The following HOATZ variants were observed in gnomAD, a reference collection of about 807,000 sequenced individuals.
The protein encoded by HOATZ is HOATZ cilia and flagella associated protein, also known as cilia- and flagella-associated protein HOATZ.
HOATZ carries 26 observed loss-of-function variants against 24.9 expected under a neutral mutation model. The ratio of observed to expected loss-of-function variants is 1.04; its 90% CI spans 0.76 to 1.45. The LOEUF (loss-of-function observed/expected upper bound fraction) is 1.45, where lower values mean the gene tolerates loss of function less well. Among genes scored for constraint, HOATZ ranks in the 40% most tolerant of loss-of-function variants. The probability of loss-of-function intolerance (pLI) is 0.00; values close to 1 mark genes in which losing one functional copy is unlikely to be tolerated. For missense variants in HOATZ, 226 were observed against 201.5 expected (o/e 1.12, Z -0.74); for synonymous variants, 83 against 76.6 (o/e 1.08, Z -0.43).
chr11:111,533,720 AC>A (rs762563127), intron 3 of HOATZ, 25 bp from the exon 4 acceptor site: 1 of 1,547,420 alleles, frequency 6.5e-7, no homozygotes, highest in Non-Finnish European at 8.8e-7. Context: ...GAATCGAGAC[AC>A]CCACTTTTTT....
chr11:111,532,278 G>A (rs1048652935), intron 3 of HOATZ, among the ~76,000 whole-genome samples: 3 of 152,058 alleles, frequency 2.0e-5, no homozygotes, highest in Admixed American at 6.5e-5. Context: ...CATCATAGGC[G>A]CTTATTATGG....
At chr11:111,515,188 C>A in intron 1 of HOATZ, 178 bp downstream of exon 1, 1 of 612,184 alleles carries the variant, frequency 1.6e-6, no homozygotes, top group Non-Finnish European at 2.9e-6. Flanking sequence ...CGAAAAGGAT[C>A]AGTGGTATAT....
chr11:111,535,153 G>A (rs569827182), intron 5 of HOATZ: 2 of 152,142 alleles, frequency 1.3e-5, no homozygotes, highest in African/African-American at 4.8e-5. Context: ...TCTCTCATTG[G>A]TATTGAGGCT....
intron 3 of HOATZ, among the ~76,000 whole-genome samples, chr11:111,517,203 T>G (rs1392185396): frequency 6.6e-6 from 1 of 152,210 alleles, no homozygotes; most frequent in Non-Finnish European, 1.5e-5. Context: ...ATAGCCAGCA[T>G]TTTATTCTCT....
chr11:111,524,137 G>A (rs1867304971), intron 3 of HOATZ, among the ~76,000 whole-genome samples: 2 of 152,320 alleles, frequency 1.3e-5, no homozygotes, highest in South Asian at 4.1e-4. Flanking sequence ...AGTTCCTTGA[G>A]CTAGATGTCA....
chr11:111,536,848 GGAT>G lies in HOATZ; in HGVS notation c.*23_*25del, dbSNP rs752534516. Reference sequence around the variant, plus strand: ...ACTAATTTGCTTGACACATGGCAGAGGATGGCTCACTTATACCTTCACTTTGGA... The same window carrying G: ...ACTAATTTGCTTGACACATGGCAGAGGGCTCACTTATACCTTCACTTTGGA... On this transcript the variant is annotated 3_prime_UTR_variant, in exon 6 of 6. Transcript: ENST00000375618. The G allele has an allele frequency of 1.1e-5, 18 of 1,606,366 alleles. No homozygotes were observed. The Admixed American group carries it at 1.8e-4, about 16-fold the overall frequency.
intron 3 of HOATZ, chr11:111,524,799 T>C: frequency 2.5e-6 from 1 of 404,108 alleles, no homozygotes; most frequent in South Asian, 1.9e-5. Flanking sequence ...TTACAAACAG[T>C]TGATTTTATT....
In HOATZ at chr11:111,514,927, C is replaced by A; in HGVS notation, c.143C>A (p.Pro48His). 1 of 1,614,036 alleles carries A rather than the reference C, an allele frequency of 6.2e-7. No homozygotes were observed. The highest frequency in any genetic ancestry group is 8.5e-7 in the Non-Finnish European group (1 of 1,180,018). ...KQFWISASMY[P>H]PSESQLVLRR... ...TTCTGGATCTCGGCGTCGATGTATCCCCCTAGCGAATCTCAGCTGGTGCTG... is the reference window on the plus strand; with the variant it reads ...TTCTGGATCTCGGCGTCGATGTATCACCCTAGCGAATCTCAGCTGGTGCTG... The change falls in exon 1 of 6, where the codon CCC becomes CAC. Residue 48 changes from proline (P) to histidine (H), a missense_variant. Transcript: ENST00000375618.
chr11:111,535,200 G>A (rs374880852), intron 5 of HOATZ: 2 of 152,024 alleles, frequency 1.3e-5, no homozygotes, highest in African/African-American at 4.8e-5. Flanking sequence ...CACCCTTAAG[G>A]AAGAAAGAAT....
Position 111,534,458 on chromosome 11 carries a change from A to C in HOATZ, c.446A>C (p.Lys149Thr). Residue 149 changes from lysine to threonine, a missense_variant, in exon 5 of 6, where the codon AAA (lysine) becomes ACA (threonine). By Grantham distance (78) the Lys-to-Thr change is moderately conservative (BLOSUM62 -1). Coordinates refer to ENST00000375618, the MANE Select transcript of HOATZ (RefSeq NM_001100388.2). ...TATAAACCAAAAGCCAAAGAACACA[A>C]AGCAAAGTAAGTTTACCTATGTCAA... ...LPYKPKAKEHKAKKVVSESDK... is the reference protein window; with the variant it reads ...LPYKPKAKEHTAKKVVSESDK... 1.2e-6 allele frequency: 2 copies of C among 1,608,222 alleles called. No homozygotes were observed. The highest frequency in any genetic ancestry group is 1.1e-5 in the South Asian group (1 of 90,922).
At chr11:111,518,736 G>A (rs1345891979) in intron 3 of HOATZ, among the ~76,000 whole-genome samples, 1 of 152,204 alleles carries the variant, frequency 6.6e-6, no homozygotes, top group African/African-American at 2.4e-5. Flanking sequence ...AATGTGAGAA[G>A]CACTATTTCC....
intron 3 of HOATZ, among the ~76,000 whole-genome samples, chr11:111,525,889 T>C (rs1242433733): frequency 2.0e-5 from 3 of 152,142 alleles, no homozygotes; most frequent in Non-Finnish European, 4.4e-5. Context: ...GGGAAATGGG[T>C]CAAAGACACG....
In HOATZ at chr11:111,536,812, CA is replaced by C; in HGVS notation, c.499del (p.Thr167LeufsTer30). The part of the protein sequence containing the change: ...ESDKEDQEEV[K>X]TLD The stretch of plus-strand genomic sequence containing the variant: ...CAGATAAAGAGGACCAAGAAGAAGT[CA>C]AAACTTTGGACTAATTTGCTTGACA... On this transcript the variant is annotated frameshift_variant, in exon 6 of 6. Coordinates refer to ENST00000375618, the MANE Select transcript of HOATZ (RefSeq NM_001100388.2). LOFTEE classifies it high-confidence loss of function. The C allele has an allele frequency of 6.2e-7, 1 of 1,613,628 alleles. No homozygotes were observed. Among genetic ancestry groups the C allele is most frequent in the Non-Finnish European group, 8.5e-7 (1 of 1,179,716 alleles).
At chr11:111,528,567 T>A (rs1018712850) in intron 3 of HOATZ, among the ~76,000 whole-genome samples, 12 of 152,222 alleles carry the variant, frequency 7.9e-5, no homozygotes, top group Non-Finnish European at 1.3e-4. Context: ...AATTCAACTA[T>A]CTTTACCCTT....
chr11:111,521,533 G>A (rs1867268889), intron 3 of HOATZ, among the ~76,000 whole-genome samples: 2 of 152,024 alleles, frequency 1.3e-5, no homozygotes, highest in African/African-American at 4.8e-5. Flanking sequence ...TTTTAATTTT[G>A]CTTTCCCACC....
Position 111,514,842 on chromosome 11 carries a change from C to T in HOATZ, c.58C>T (p.Pro20Ser), listed in dbSNP as rs765114047. ...CCGAAAAGAGTCCCAGGAAATGTGC[C>T]CCCCGGGATTACTGGTATTTGCTGG... ...SGRKESQEMC[P>S]PGLLVFAGSS... Residue 20 changes from proline to serine, a missense_variant, in exon 1 of 6, where the codon CCC becomes TCC. Coordinates refer to ENST00000375618, the MANE Select transcript of HOATZ (RefSeq NM_001100388.2). The T allele has an allele frequency of 1.9e-6, 3 of 1,614,066 alleles. No homozygotes were observed. The highest frequency in any genetic ancestry group is 1.1e-5 in the South Asian group (1 of 91,070).
intron 2 of HOATZ, 113 bp from the exon 3 acceptor site, chr11:111,515,927 T>G (rs1020856209): frequency 2.8e-5 from 19 of 680,334 alleles, no homozygotes; most frequent in Non-Finnish European, 4.4e-5. Flanking sequence ...TGTATTTTTG[T>G]TTACCTTCCT....
chr11:111,536,420 T>C (rs1203380676), intron 5 of HOATZ: 1 of 193,762 alleles, frequency 5.2e-6, no homozygotes, highest in South Asian at 1.1e-4. Context: ...TTAGTAGCAA[T>C]ATATTTATTA....
intron 3 of HOATZ, chr11:111,525,102 C>G (rs1273341616): frequency 1.3e-5 from 3 of 239,786 alleles, no homozygotes; most frequent in African/African-American, 2.3e-5. Flanking sequence ...AACTCTTGAG[C>G]TCAAGCGATT....
Sources: gnomAD v4.1 joint callset for allele counts (sites outside exome capture counted in the v4.1 genomes callset) on GRCh38, gnomAD v4.1.1 for gene constraint, MANE v1.5 for transcripts, NCBI Gene and HGNC (gene_info 2026-07-23, HGNC 2026-07-21) for gene names.